The following NCALD variants were observed in gnomAD, a reference collection of about 807,000 sequenced individuals.
NCALD encodes neurocalcin delta.
In NCALD, 10 loss-of-function variants were observed where a neutral mutation model predicts 18.6. The ratio of observed to expected loss-of-function variants is 0.54; its 90% CI spans 0.33 to 0.91. NCALD has a LOEUF of 0.91. Among genes scored for constraint, NCALD ranks in the 40% least tolerant of loss-of-function variants. NCALD has a pLI of 0.03. For missense variants in NCALD, 184 were observed against 247.6 expected (o/e 0.74, Z 1.72); for synonymous variants, 88 against 87.4 (o/e 1.01, Z -0.04).
rs749974789 is a variant in NCALD at position 101,818,458 on chromosome 8, C to T, written c.-20+68683G>A. On this transcript the variant is annotated intron_variant, in intron 4 of 6. Transcript: ENST00000311028. Reference sequence around the variant, plus strand: ...ACACTAGACTTCACAGGTGGAGTTACATATTCATGTAAGAGCTGACACTCA... The same window carrying T: ...ACACTAGACTTCACAGGTGGAGTTATATATTCATGTAAGAGCTGACACTCA... Among the ~76,000 whole-genome samples, 28 of 152,154 alleles carry T rather than the reference C, an allele frequency of 1.8e-4. 1 individual carries two copies. Among genetic ancestry groups the T allele is most frequent in the Admixed American group, 1.7e-3 (26 of 15,268 alleles).
chr8:101,937,134 T>C (rs1818792298), intron 2 of NCALD, among the ~76,000 whole-genome samples: 2 of 152,176 alleles, frequency 1.3e-5, no homozygotes, highest in Admixed American at 1.3e-4. Context: ...AAAGAAGTGA[T>C]GCTTTAAAAC....
chr8:102,033,786 A>C (rs1270343041), intron 1 of NCALD, among the ~76,000 whole-genome samples: 3 of 152,132 alleles, frequency 2.0e-5, no homozygotes, highest in African/African-American at 7.2e-5. Context: ...AAAGTTAATA[A>C]AAGATTTCAC....
At chr8:101,902,247 ATTC>A (rs1817456146) in intron 3 of NCALD, among the ~76,000 whole-genome samples, 1 of 145,264 alleles carries the variant, frequency 6.9e-6, no homozygotes, top group Non-Finnish European at 1.5e-5. Context: ...TGTCCACTCC[ATTC>A]TCATGTTAGC....
chr8:101,889,531 C>T (rs1208486524), intron 3 of NCALD, among the ~76,000 whole-genome samples: 1 of 152,130 alleles, frequency 6.6e-6, no homozygotes, highest in African/African-American at 2.4e-5. Context: ...CTTTTTTTCT[C>T]AACAAATAGC....
At chr8:102,016,447 C>T (rs1445296690) in intron 2 of NCALD, among the ~76,000 whole-genome samples, 2 of 152,162 alleles carry the variant, frequency 1.3e-5, no homozygotes, top group Non-Finnish European at 2.9e-5. Flanking sequence ...CAGACGAGCA[C>T]AAACATGAAG....
intron 1 of NCALD, among the ~76,000 whole-genome samples, chr8:101,749,277 T>C (rs973585656): frequency 6.6e-6 from 1 of 152,226 alleles, no homozygotes; most frequent in Admixed American, 6.5e-5. Flanking sequence ...CATAAATGGC[T>C]CTGCAGAATG....
At chr8:101,766,873 C>T (rs941082374) in intron 1 of NCALD, among the ~76,000 whole-genome samples, 1 of 152,224 alleles carries the variant, frequency 6.6e-6, no homozygotes, top group Non-Finnish European at 1.5e-5. Flanking sequence ...GTCACTGCGC[C>T]TGGCCCCGCA....
upstream of NCALD, chr8:102,124,509 C>CG (rs1237613913): frequency 7.0e-6 from 1 of 143,344 alleles, no homozygotes; most frequent in East Asian, 2.1e-4. Context: ...CCCCCCCTCC[C>CG]CCGCTTGCCC....
At chr8:101,763,322 G>A (rs1811192112) in intron 1 of NCALD, among the ~76,000 whole-genome samples, 1 of 152,176 alleles carries the variant, frequency 6.6e-6, no homozygotes, top group Admixed American at 6.5e-5. Flanking sequence ...TATGGTTGAA[G>A]TCTGGGTAGG....
At chr8:101,694,531 A>C (rs1814894833) in intron 2 of NCALD, 2 of 151,838 alleles carry the variant, frequency 1.3e-5, no homozygotes, top group African/African-American at 4.8e-5. Context: ...TCTCAAACCC[A>C]CCCAATGTGC....
chr8:101,930,032 G>A (rs1373452324), intron 2 of NCALD, among the ~76,000 whole-genome samples: 7 of 151,994 alleles, frequency 4.6e-5, no homozygotes, highest in African/African-American at 1.7e-4. Context: ...TCCAGCCTGG[G>A]TGACAGAGTG....
At chr8:101,741,079 A>G (rs1810164599) in intron 1 of NCALD, among the ~76,000 whole-genome samples, 1 of 152,240 alleles carries the variant, frequency 6.6e-6, no homozygotes, top group African/African-American at 2.4e-5. Flanking sequence ...TATTCAGGCT[A>G]GGGACAGCTG....
chr8:101,809,761 T>G (rs1009278454), intron 4 of NCALD, among the ~76,000 whole-genome samples: 1 of 152,122 alleles, frequency 6.6e-6, no homozygotes, highest in African/African-American at 2.4e-5. Flanking sequence ...GCCAGACTGG[T>G]CTTGAACTCC....
At chr8:101,834,004 C>T (rs1251467560) in intron 4 of NCALD, among the ~76,000 whole-genome samples, 2 of 152,158 alleles carry the variant, frequency 1.3e-5, no homozygotes, top group Non-Finnish European at 2.9e-5. Flanking sequence ...GACAGATGAT[C>T]ATTGTTTTAT....
intron 2 of NCALD, among the ~76,000 whole-genome samples, chr8:102,017,203 G>A (rs1822114010): frequency 5.3e-5 from 8 of 152,088 alleles, no homozygotes. Context: ...TAATTAAAAT[G>A]GGAAAAGAGT....
intron 4 of NCALD, among the ~76,000 whole-genome samples, chr8:101,857,272 T>G (rs1203381984): frequency 6.6e-6 from 1 of 152,178 alleles, no homozygotes; most frequent in Non-Finnish European, 1.5e-5. Context: ...CTGACTGAGA[T>G]AGTTTCAATA....
At chr8:102,051,843 T>C (rs145088046) in intron 1 of NCALD, among the ~76,000 whole-genome samples, 12 of 152,262 alleles carry the variant, frequency 7.9e-5, no homozygotes, top group Non-Finnish European at 1.5e-4. Context: ...TACTTCAGTA[T>C]GTTTAAAACA....
intron 4 of NCALD, among the ~76,000 whole-genome samples, chr8:101,838,438 T>C (rs1051794966): frequency 6.6e-6 from 1 of 152,174 alleles, no homozygotes; most frequent in Non-Finnish European, 1.5e-5. Flanking sequence ...GCCAGGATGG[T>C]CTCTATCTCT....
intron 4 of NCALD, among the ~76,000 whole-genome samples, chr8:101,851,931 T>G (rs924751209): frequency 6.6e-6 from 1 of 152,186 alleles, no homozygotes; most frequent in Non-Finnish European, 1.5e-5. Flanking sequence ...TCTGCCTTCA[T>G]GAATGGGATT....
Sources: allele counts gnomAD v4.1 joint callset (sites outside exome capture counted in the v4.1 genomes callset), GRCh38; gene constraint gnomAD v4.1.1; transcripts MANE v1.5; gene names NCBI Gene and HGNC (gene_info 2026-07-23, HGNC 2026-07-21).